MDM1: variants seen among roughly 807,000 people sequenced by gnomAD.
The protein encoded by MDM1 is Mdm1 nuclear protein.
A neutral mutation model predicts 89.1 loss-of-function variants in MDM1; 61 were observed. That is an observed-to-expected ratio of 0.68 (90% CI 0.56 to 0.85). The LOEUF (loss-of-function observed/expected upper bound fraction) is 0.85, where lower values mean the gene tolerates loss of function less well. MDM1 is among the 40% of genes least tolerant of loss of function. MDM1 has a pLI of 0.00. For synonymous variants in MDM1, 290 were observed against 294.1 expected (o/e 0.99, Z 0.14); for missense variants, 820 against 846.5 (o/e 0.97, Z 0.39).
intron 14 of MDM1, among the ~76,000 whole-genome samples, 171 bp downstream of exon 14, chr12:68,296,752 C>T (rs1871446332): frequency 6.6e-6 from 1 of 152,276 alleles, no homozygotes; most frequent in East Asian, 1.9e-4. Flanking sequence ...TTACTCCCAG[C>T]TTACTCATTT....
At chr12:68,328,125 C>A (rs1420544416) in intron 2 of MDM1, among the ~76,000 whole-genome samples, 2 of 152,204 alleles carry the variant, frequency 1.3e-5, no homozygotes, top group African/African-American at 4.8e-5. Flanking sequence ...TAGAACAAAA[C>A]CTCAGGGGTA....
chr12:68,304,378 T>C (rs1872604204), intron 12 of MDM1, among the ~76,000 whole-genome samples: 1 of 152,254 alleles, frequency 6.6e-6, no homozygotes, highest in African/African-American at 2.4e-5. Flanking sequence ...TCTATCAATG[T>C]AACATTCAAA....
At chr12:68,323,326 G>A in intron 4 of MDM1, 86 bp from the exon 5 acceptor site, 2 of 935,220 alleles carry the variant, frequency 2.1e-6, no homozygotes, top group Non-Finnish European at 3.1e-6. Flanking sequence ...ACATAAAGTT[G>A]AATTACAGGA....
chr12:68,325,766 T>C (rs974233635), intron 3 of MDM1, 191 bp from the exon 4 acceptor site: 42 of 1,231,572 alleles, frequency 3.4e-5, no homozygotes, highest in Non-Finnish European at 4.2e-5. Flanking sequence ...GTATCTTTTT[T>C]CAAGTGTCAA....
chr12:68,303,016 A>G (rs1234507769), intron 12 of MDM1, 144 bp from the exon 13 acceptor site: 9 of 751,786 alleles, frequency 1.2e-5, no homozygotes, highest in African/African-American at 1.1e-4. Flanking sequence ...TGTGGGGAAG[A>G]TATGATATAG....
chr12:68,295,628 G>A (rs144221580), intron 14 of MDM1, among the ~76,000 whole-genome samples: 1,666 of 152,026 alleles, frequency 0.011, 29 homozygotes, highest in African/African-American at 0.038. Context: ...TTGAAATCCC[G>A]TCATTAACAG....
intron 12 of MDM1, 113 bp from the exon 13 acceptor site, chr12:68,302,985 AGAGAATTT>A: frequency 1.0e-6 from 1 of 966,798 alleles, no homozygotes. Flanking sequence ...GAGAAATATG[AGAGAATTT>A]ATGCAACATC....
Position 68,302,273 on chromosome 12 carries a change from C to T in MDM1, c.2002+347G>A, listed in dbSNP as rs116387886. The stretch of plus-strand genomic sequence containing the variant: ...TACTAACACTAAAGGAAAGTCATTT[C>T]TGACTGTGAATTCTACACCCAGGCA... On this transcript the variant is annotated intron_variant, in intron 13 of 14. Transcript: ENST00000682720. Among the ~76,000 whole-genome samples, 752 of 152,282 alleles carry T rather than the reference C, an allele frequency of 4.9e-3. 4 individuals carry two copies. The highest frequency in any genetic ancestry group is 0.017 in the African/African-American group (718 of 41,554).
chr12:68,304,306 A>G (rs1038164), intron 12 of MDM1, among the ~76,000 whole-genome samples: 2,897 of 152,306 alleles, frequency 0.019, 38 homozygotes, highest in Non-Finnish European at 0.031. Context: ...GTAAAATCAA[A>G]TACAGTTCCA....
chr12:68,296,454 T>C (rs929041882), intron 14 of MDM1, among the ~76,000 whole-genome samples: 2 of 152,176 alleles, frequency 1.3e-5, no homozygotes, highest in Non-Finnish European at 2.9e-5. Context: ...GCCGAGATCA[T>C]GCCACTGCAC....
intron 2 of MDM1, among the ~76,000 whole-genome samples, chr12:68,329,258 G>A (rs1022361979): frequency 3.3e-5 from 5 of 152,154 alleles, no homozygotes; most frequent in African/African-American, 9.7e-5. Context: ...GAAGTTTGCC[G>A]CTGGGTCAGA....
chr12:68,322,120 T>C (rs1337448481), intron 5 of MDM1, among the ~76,000 whole-genome samples: 1 of 152,232 alleles, frequency 6.6e-6, no homozygotes, highest in Non-Finnish European at 1.5e-5. Flanking sequence ...TGTAATTACA[T>C]ACTTTCTATT....
At position 68,321,585 on chromosome 12, in the gene MDM1, T is replaced by G; in HGVS notation, c.845A>C (p.Glu282Ala). 6 of 1,612,966 alleles carry G rather than the reference T, an allele frequency of 3.7e-6. No homozygotes were observed. Among genetic ancestry groups the G allele is most frequent in the Non-Finnish European group, 5.1e-6 (6 of 1,179,716 alleles). ...TTTAGGCTGGTGTAAGTCTTTTAAT[T>G]CCATCTCTGCTTCCAATTTTAAACG... ...DDRLKLEAEM[E>A]LKDLHQPKRK... Residue 282 changes from glutamate (E) to alanine (A), a missense_variant, in exon 6 of 15, where the codon GAA (glutamate) becomes GCA (alanine). Physicochemically the swap from Glu to Ala is moderately radical, Grantham distance 107. Coordinates refer to ENST00000682720, the MANE Select transcript of MDM1 (RefSeq NM_001354969.2).
Position 68,326,934 on chromosome 12 carries a change from G to C in MDM1, c.221C>G (p.Ala74Gly), listed in dbSNP as rs747780749. 2.4e-5 allele frequency: 39 copies of C among 1,613,890 alleles called. No homozygotes were observed. In the South Asian group the frequency reaches 4.2e-4, roughly 17 times the overall value. The part of the protein sequence containing the change: ...QISKSLEWNG[A>G]ISESNVVASP... ...TGCAACCACATTGCTCTCTGAGATAGCTCCATTCCACTCCAGAGATTTTGA... is the reference window on the plus strand; with the variant it reads ...TGCAACCACATTGCTCTCTGAGATACCTCCATTCCACTCCAGAGATTTTGA... The change falls in exon 3 of 15, where the codon GCT (alanine) becomes GGT (glycine). Residue 74 changes from alanine (A) to glycine (G), a missense_variant. Physicochemically the swap from Ala to Gly is moderately conservative, Grantham distance 60. Coordinates refer to ENST00000682720, the MANE Select transcript of MDM1 (RefSeq NM_001354969.2).
intron 12 of MDM1, among the ~76,000 whole-genome samples, chr12:68,304,611 A>G (rs1872637134): frequency 6.6e-6 from 1 of 152,152 alleles, no homozygotes. Flanking sequence ...TTCTATATAT[A>G]TGAACAAAAT....
chr12:68,295,258 G>T lies in MDM1; in HGVS notation c.2171C>A (p.Thr724Lys). Residue 724 changes from threonine to lysine, a missense_variant, in exon 15 of 15, where the codon ACA becomes AAA. Physicochemically the swap from Thr to Lys is moderately conservative, Grantham distance 78. Transcript: ENST00000682720. The part of the protein sequence containing the change: ...KKRKENFWGK[T>K] ...ATAAAGGCAACTCAGCTAGGTTTAT[G>T]TTTTACCCCAGAAATTCTCCTTCCT... is the stretch of plus-strand genomic sequence containing the variant. 1.2e-6 allele frequency: 2 copies of T among 1,609,026 alleles called. No individual in the cohort carries two copies. The highest frequency in any genetic ancestry group is 8.5e-7 in the Non-Finnish European group (1 of 1,176,478).
At position 68,302,710 on chromosome 12, in the gene MDM1, G is replaced by C. The variant is rs1360753937; in HGVS notation, c.1912C>G (p.Gln638Glu). 6.2e-7 allele frequency: 1 copy of C among 1,613,934 alleles called. No individual in the cohort carries two copies. Among genetic ancestry groups the C allele is most frequent in the Non-Finnish European group, 8.5e-7 (1 of 1,179,996 alleles). ...GGAACATGTGGTGGAGAAGGCAACT[G>C]TCCAGGGGGATTTGTTGGGTATTTT... The part of the protein sequence containing the change: ...IPKYPTNPPG[Q>E]LPSPPHVPSY... Residue 638 changes from glutamine (Q) to glutamate (E), a missense_variant, in exon 13 of 15, where the codon CAG becomes GAG. Gln to Glu is a conservative substitution (Grantham distance 29). Transcript: ENST00000682720.
intron 13 of MDM1, among the ~76,000 whole-genome samples, chr12:68,301,398 G>C (rs1374337020): frequency 6.6e-6 from 1 of 152,158 alleles, no homozygotes; most frequent in Non-Finnish European, 1.5e-5. Context: ...TTACCAGTGG[G>C]AGCTAAGCTA....
In MDM1 at chr12:68,315,038, C is replaced by A. The variant is rs1341033749; in HGVS notation, c.1439G>T (p.Gly480Val). ...KEEEDDNEEE[G>V]DRKTGKQAFM... is the part of the protein sequence containing the mutation. ...AGCCTGCTTGCCCGTTTTCCTGTCCCCTTCCTCTTCATTGTCGTCCTCCTC... is the reference window on the plus strand; with the variant it reads ...AGCCTGCTTGCCCGTTTTCCTGTCCACTTCCTCTTCATTGTCGTCCTCCTC... Residue 480 changes from glycine (G) to valine (V), a missense_variant, in exon 10 of 15, where the codon GGG becomes GTG. Transcript: ENST00000682720. 3.7e-6 allele frequency: 6 copies of A among 1,613,988 alleles called. No homozygotes were observed. The Admixed American group carries it at 8.3e-5, about 22-fold the overall frequency.
Sources: gnomAD v4.1 joint callset for allele counts (sites outside exome capture counted in the v4.1 genomes callset) on GRCh38, gnomAD v4.1.1 for gene constraint, MANE v1.5 for transcripts, NCBI Gene and HGNC (gene_info 2026-07-23, HGNC 2026-07-21) for gene names.